The following RNF123 variants were observed in gnomAD, a reference collection of about 807,000 sequenced individuals.
The protein encoded by RNF123 is E3 ubiquitin-protein ligase RNF123.
RNF123 carries 86 observed loss-of-function variants against 168.5 expected under a neutral mutation model. That is an observed-to-expected ratio of 0.51 (90% CI 0.43 to 0.61). RNF123 has a LOEUF of 0.61. Among genes scored for constraint, RNF123 ranks in the 20% least tolerant of loss-of-function variants. The probability of loss-of-function intolerance (pLI) is 0.00; values close to 1 mark genes in which losing one functional copy is unlikely to be tolerated. For missense variants in RNF123, 1,419 were observed against 1,729.7 expected (o/e 0.82, Z 3.19); for synonymous variants, 666 against 689.1 (o/e 0.97, Z 0.52).
chr3:49,716,628 C>T (rs781277560), intron 35 of RNF123, 151 bp downstream of exon 35: 2 of 707,080 alleles, frequency 2.8e-6, no homozygotes, highest in South Asian at 1.7e-5. Context: ...GAGGTGTGAA[C>T]GGCCTAAATA....
chr3:49,719,303 C>G (rs768883435), intron 35 of RNF123: 1 of 1,613,120 alleles, frequency 6.2e-7, no homozygotes, highest in Non-Finnish European at 8.5e-7. Context: ...TCGGCTGGCA[C>G]GTCCTGCAGC....
chr3:49,692,111 G>C (rs2054178220), intron 3 of RNF123, among the ~76,000 whole-genome samples: 1 of 152,178 alleles, frequency 6.6e-6, no homozygotes, highest in Non-Finnish European at 1.5e-5. Context: ...TGGGCATGGT[G>C]GTGTGCACCT....
intron 35 of RNF123, chr3:49,716,700 G>A: frequency 2.0e-6 from 1 of 511,250 alleles, no homozygotes. Context: ...AGGTGGCCCT[G>A]GCCCACAGAG....
At chr3:49,719,673 G>A (rs1018224222) in intron 35 of RNF123, 22 of 556,796 alleles carry the variant, frequency 4.0e-5, no homozygotes. Context: ...CTTCGGCTTC[G>A]CTAGCCCTCT....
At chr3:49,716,299 G>A in intron 34 of RNF123, 94 bp from the exon 35 acceptor site, 1 of 1,546,338 alleles carries the variant, frequency 6.5e-7, no homozygotes. Flanking sequence ...TGCAGTCTCG[G>A]CTCACCCTTC....
chr3:49,717,641 G>A (rs1485853499), intron 35 of RNF123: 1 of 473,326 alleles, frequency 2.1e-6, no homozygotes, highest in African/African-American at 2.0e-5. Flanking sequence ...AAAGCCACAG[G>A]GGCCTGGGTC....
chr3:49,707,111 G>A lies in RNF123; in HGVS notation c.2496+213G>A, dbSNP rs558594471. On this transcript the variant is annotated intron_variant, in intron 26 of 38. Transcript: ENST00000327697. ...AGCGCAGTTTCTGGACCTCCAGTTC[G>A]CCTCATAGACCTGTCCTTCGAGGAA... Among the ~76,000 whole-genome samples, 8 of 152,246 alleles carry A rather than the reference G, an allele frequency of 5.3e-5. No individual in the cohort carries two copies. In the South Asian group the frequency reaches 8.3e-4, roughly 16 times the overall value.
At position 49,718,757 on chromosome 3, in the gene RNF123, G is replaced by C. The variant is rs367832292; in HGVS notation, c.3501-1754G>C. The C allele has an allele frequency of 6.2e-6, 10 of 1,613,242 alleles. 1 individual carries two copies. In the South Asian group the frequency reaches 1.1e-4, roughly 18 times the overall value. The stretch of plus-strand genomic sequence containing the variant: ...AAGTCGCGCACGGCGCTCAGGCCCC[G>C]CTGGTGCCAGCGCTGTAGCAGGTGG... On this transcript the variant is annotated intron_variant, in intron 35 of 38. Coordinates refer to ENST00000327697, the MANE Select transcript of RNF123 (RefSeq NM_022064.5).
chr3:49,716,768 T>G, intron 35 of RNF123: 1 of 400,214 alleles, frequency 2.5e-6, no homozygotes, highest in Non-Finnish European at 4.6e-6. Context: ...CCGGAGGGTG[T>G]GCCGTCCTGT....
At position 49,721,412 on chromosome 3, in the gene RNF123, A is replaced by C; in HGVS notation, c.*107A>C. On this transcript the variant is annotated 3_prime_UTR_variant, in exon 39 of 39. Coordinates refer to ENST00000327697, the MANE Select transcript of RNF123 (RefSeq NM_022064.5). Reference sequence around the variant, plus strand: ...CTTCTCCTGTATCCCACACCACCACATCCAACCTCCTTGCCTGCCTGTATC... The same window carrying C: ...CTTCTCCTGTATCCCACACCACCACCTCCAACCTCCTTGCCTGCCTGTATC... 2 of 1,417,856 alleles carry C rather than the reference A, an allele frequency of 1.4e-6. No individual in the cohort carries two copies. The highest frequency in any genetic ancestry group is 2.0e-6 in the Non-Finnish European group (2 of 1,002,688). The allele number at this position is 1,417,856 out of a possible 1,614,324, so 87.8% of individuals were successfully genotyped here.
intron 35 of RNF123, chr3:49,720,179 G>A: frequency 5.5e-6 from 1 of 182,434 alleles, no homozygotes. Context: ...AGCCGGGCGT[G>A]GTGGTGGGCG....
At chr3:49,710,978 A>G (rs1267833927) in intron 26 of RNF123, among the ~76,000 whole-genome samples, 1 of 152,232 alleles carries the variant, frequency 6.6e-6, no homozygotes, top group East Asian at 1.9e-4. Context: ...TCACTCCTGT[A>G]AACCAGCACT....
At chr3:49,718,434 C>T (rs750531309) in intron 35 of RNF123, 6 of 1,613,008 alleles carry the variant, frequency 3.7e-6, no homozygotes, top group Admixed American at 1.7e-5. Context: ...CCGCATGCTG[C>T]TCCTGTACGT....
chr3:49,719,219 G>T, intron 35 of RNF123: 1 of 1,613,142 alleles, frequency 6.2e-7, no homozygotes, highest in Non-Finnish European at 8.5e-7. Context: ...TGGAAGAGGG[G>T]CGCCAACCAG....
intron 35 of RNF123, chr3:49,718,235 G>A: frequency 6.8e-6 from 11 of 1,611,534 alleles, no homozygotes; most frequent in Non-Finnish European, 9.3e-6. Flanking sequence ...CAGGCACGGC[G>A]GCAGCAGCGG....
At chr3:49,712,370 A>G in intron 26 of RNF123, 109 bp from the exon 27 acceptor site, 1 of 987,958 alleles carries the variant, frequency 1.0e-6, no homozygotes, top group South Asian at 1.6e-5. Context: ...TCCAGGTCTC[A>G]GTTGTGCTGT....
rs753289504 is a variant in RNF123 at position 49,712,635 on chromosome 3, C to T, written c.2653C>T (p.His885Tyr). 3.7e-6 allele frequency: 6 copies of T among 1,614,166 alleles called. No homozygotes were observed. The highest frequency in any genetic ancestry group is 5.1e-6 in the Non-Finnish European group (6 of 1,180,028). The part of the protein sequence containing the change: ...SALKNYFGPV[H>Y]SMEELPGYEE... ...TCTCAAGAATTACTTTGGTCCCGTG[C>T]ACAGCATGGAGGAGCTCCCAGGTGA... Residue 885 changes from histidine (H) to tyrosine (Y), a missense_variant, in exon 27 of 39, where the codon CAC becomes TAC. Around this residue, in one of 5 missense-constraint regions of RNF123, gnomAD observed 538 missense variants for 708.8 expected, o/e 0.76. Coordinates refer to ENST00000327697, the MANE Select transcript of RNF123 (RefSeq NM_022064.5).
At chr3:49,702,832 G>T in intron 20 of RNF123, 79 bp downstream of exon 20, 1 of 1,592,290 alleles carries the variant, frequency 6.3e-7, no homozygotes, top group Non-Finnish European at 8.6e-7. Flanking sequence ...AGTGCAGAGT[G>T]CTGAGCTGAG....
chr3:49,697,768 T>C, intron 5 of RNF123, 117 bp from the exon 6 acceptor site: 1 of 1,264,772 alleles, frequency 7.9e-7, no homozygotes, highest in East Asian at 2.3e-5. Context: ...CAGTGCAGTG[T>C]TGGCCGCCAC....
Sources: allele counts gnomAD v4.1 joint callset (sites outside exome capture counted in the v4.1 genomes callset), GRCh38; gene constraint gnomAD v4.1.1; regional missense constraint gnomAD v4.1.1; transcripts MANE v1.5; gene names NCBI Gene and HGNC (gene_info 2026-07-23, HGNC 2026-07-21).